FSTL1: variants seen among roughly 807,000 people sequenced by gnomAD.
FSTL1 encodes follistatin like 1.
FSTL1 carries 24 observed loss-of-function variants against 45.9 expected under a neutral mutation model. That is an observed-to-expected ratio of 0.52 (90% CI 0.38 to 0.74). The LOEUF is 0.74. FSTL1 is among the 30% of genes least tolerant of loss of function. FSTL1 has a pLI of 0.00. For synonymous variants in FSTL1, 120 were observed against 137.6 expected, an observed-to-expected ratio of 0.87 and a Z score of 0.89; for missense variants, 340 against 381.8, an observed-to-expected ratio of 0.89 and a Z score of 0.91.
At chr3:120,418,780 G>A (rs1461282459) in intron 2 of FSTL1, among the ~76,000 whole-genome samples, 1 of 152,146 alleles carries the variant, frequency 6.6e-6, no homozygotes, top group East Asian at 1.9e-4. Context: ...TTCTTAGAGG[G>A]TTGTTGTGAG....
chr3:120,450,780 G>T (rs1559747522), intron 1 of FSTL1, 34 bp from the exon 2 acceptor site: 5 of 1,509,586 alleles, frequency 3.3e-6, no homozygotes, highest in East Asian at 2.6e-5. Flanking sequence ...GTCTGAAGGC[G>T]CCGGGCCCCG....
intron 2 of FSTL1, among the ~76,000 whole-genome samples, chr3:120,424,695 GA>G (rs1338274638): frequency 6.6e-6 from 1 of 152,128 alleles, no homozygotes; most frequent in Non-Finnish European, 1.5e-5. Flanking sequence ...GATCTCTACA[GA>G]ATAACGAGGT....
intron 2 of FSTL1, among the ~76,000 whole-genome samples, chr3:120,430,989 T>G (rs999606782): frequency 3.0e-4 from 46 of 152,322 alleles, no homozygotes; most frequent in African/African-American, 9.6e-4. Flanking sequence ...CATTTTTTTT[T>G]GAGACGAAGT....
chr3:120,448,154 A>C (rs1937799726), intron 2 of FSTL1, among the ~76,000 whole-genome samples: 1 of 152,270 alleles, frequency 6.6e-6, no homozygotes, highest in Non-Finnish European at 1.5e-5. Context: ...TTAAATATTT[A>C]TGGTCGCAGA....
rs149906445 is a variant in FSTL1, at chr3:120,444,130, A to G, written c.63+6554T>C. Among the ~76,000 whole-genome samples, 651 of 149,988 alleles carry G rather than the reference A, an allele frequency of 4.3e-3. 79 individuals are homozygous for G. The highest frequency in any genetic ancestry group is 0.015 in the African/African-American group (600 of 39,352). Reference sequence around the variant, plus strand: ...AGAAACTTGGGCCAAAATCTGGTGTAAGTGCTATTTTCCTGACATTTCATC... The same window carrying G: ...AGAAACTTGGGCCAAAATCTGGTGTGAGTGCTATTTTCCTGACATTTCATC... On this transcript the variant is annotated intron_variant, in intron 2 of 10. Transcript: ENST00000295633.
chr3:120,409,417 G>A (rs1230894029), intron 6 of FSTL1, 115 bp downstream of exon 6: 4 of 918,890 alleles, frequency 4.4e-6, no homozygotes, highest in Non-Finnish European at 6.8e-6. Flanking sequence ...AGGAAACTCA[G>A]GGTGTCTGTG....
intron 2 of FSTL1, among the ~76,000 whole-genome samples, chr3:120,436,517 G>C (rs371737363): frequency 5.0e-4 from 76 of 152,332 alleles, no homozygotes; most frequent in Non-Finnish European, 9.1e-4. Flanking sequence ...TGTGGAACAG[G>C]AGGCAGACAC....
intron 6 of FSTL1, 88 bp from the exon 7 acceptor site, chr3:120,405,059 C>CA: frequency 1.3e-6 from 1 of 771,656 alleles, no homozygotes; most frequent in East Asian, 2.5e-5. Flanking sequence ...GCCTCTGATT[C>CA]ATCTTGTTCT....
chr3:120,450,850 C>A lies in FSTL1; in HGVS notation c.-1+47G>T, dbSNP rs370781958. 2.7e-3 allele frequency: 2,121 copies of A among 773,780 alleles called. 66 individuals are homozygous for A. The East Asian group carries it at 0.058, about 21-fold the overall frequency. The allele number at this position is 773,780 out of a possible 1,614,324, so 47.9% of individuals were successfully genotyped here. Reference sequence around the variant, plus strand: ...CTCGCTCCGGCCGCCCAAGCACCCCCGGCCGCCCGAAGAGTCCGGCCTCCG... The same window carrying A: ...CTCGCTCCGGCCGCCCAAGCACCCCAGGCCGCCCGAAGAGTCCGGCCTCCG... On this transcript the variant is annotated intron_variant, in intron 1 of 10. Transcript: ENST00000295633.
At chr3:120,409,057 C>A (rs1447950583) in intron 6 of FSTL1, among the ~76,000 whole-genome samples, 1 of 152,132 alleles carries the variant, frequency 6.6e-6, no homozygotes, top group African/African-American at 2.4e-5. Context: ...ATCTCTGGAC[C>A]CATGAAATGC....
At chr3:120,417,270 T>C (rs1246224875) in intron 2 of FSTL1, among the ~76,000 whole-genome samples, 1 of 152,026 alleles carries the variant, frequency 6.6e-6, no homozygotes, top group African/African-American at 2.4e-5. Flanking sequence ...GTGAATGTTT[T>C]ATACTCAAGA....
At chr3:120,423,244 G>A (rs1190920496) in intron 2 of FSTL1, 1 of 151,844 alleles carries the variant, frequency 6.6e-6, no homozygotes, top group Non-Finnish European at 1.5e-5. Flanking sequence ...CCTTCACACG[G>A]AAGCCTCTCT....
At chr3:120,417,671 T>C (rs6775963) in intron 2 of FSTL1, among the ~76,000 whole-genome samples, 51,684 of 151,968 alleles carry the variant, frequency 0.34, 9,252 homozygotes, top group Admixed American at 0.38. Context: ...TGCCTGACAA[T>C]GTAAGGCAAC....
chr3:120,429,272 C>T (rs1239454410), intron 2 of FSTL1, among the ~76,000 whole-genome samples: 1 of 152,238 alleles, frequency 6.6e-6, no homozygotes, highest in Non-Finnish European at 1.5e-5. Flanking sequence ...GAAGAGTAAT[C>T]TCTGGTCTCT....
chr3:120,416,079 G>A (rs780828562), intron 2 of FSTL1, 52 bp from the exon 3 acceptor site: 1 of 1,231,802 alleles, frequency 8.1e-7, no homozygotes. Context: ...AACCCATTAT[G>A]GAATGAGCCC....
chr3:120,413,691 T>G (rs1937114714), intron 3 of FSTL1, among the ~76,000 whole-genome samples: 1 of 151,884 alleles, frequency 6.6e-6, no homozygotes, highest in East Asian at 1.9e-4. Context: ...TTATGTTCAC[T>G]TTAGTGGCAG....
rs192617101 is a variant in FSTL1, at chr3:120,444,573, G to A, written c.63+6111C>T. Reference sequence around the variant, plus strand: ...ATATTTCATCCAGTGCCTTGACATCGTGACGATTCTTGTGATCCCCTCCTT... The same window carrying A: ...ATATTTCATCCAGTGCCTTGACATCATGACGATTCTTGTGATCCCCTCCTT... On this transcript the variant is annotated intron_variant, in intron 2 of 10. Transcript: ENST00000295633. 6.0e-5 allele frequency among the ~76,000 whole-genome samples: 9 copies of A among 149,834 alleles called. 1 individual carries two copies. The highest frequency in any genetic ancestry group is 3.4e-3 in the Middle Eastern group (1 of 294).
intron 6 of FSTL1, among the ~76,000 whole-genome samples, chr3:120,406,821 G>A (rs1447807175): frequency 2.6e-5 from 4 of 152,198 alleles, no homozygotes; most frequent in African/African-American, 9.7e-5. Flanking sequence ...TATACAGGTT[G>A]ATTATCCCTT....
Position 120,395,834 on chromosome 3 carries a change from C to T in FSTL1, c.*1118G>A. 1 of 442,904 alleles carries T rather than the reference C, an allele frequency of 2.3e-6. No homozygotes were observed. The highest frequency in any genetic ancestry group is 4.5e-6 in the Non-Finnish European group (1 of 221,628). 27.4% of individuals were successfully genotyped at this position (442,904 alleles called of 1,614,324 possible). A position where few individuals can be genotyped will look rare whatever the true frequency, so the allele number is the denominator to read the frequency against. ...GAAAAAAGAAGAGACAGGGCCAACT[C>T]ACCCTCCTAGTTAGTCGAATGAGCA... On this transcript the variant is annotated 3_prime_UTR_variant, in exon 11 of 11. Coordinates refer to ENST00000295633, the MANE Select transcript of FSTL1 (RefSeq NM_007085.5).
Sources: allele counts gnomAD v4.1 joint callset (sites outside exome capture counted in the v4.1 genomes callset), GRCh38; gene constraint gnomAD v4.1.1; transcripts MANE v1.5; gene names NCBI Gene and HGNC (gene_info 2026-07-23, HGNC 2026-07-21).